The following LAMA2 variants were observed in gnomAD, a reference collection of about 807,000 sequenced individuals.
The protein encoded by LAMA2 is laminin subunit alpha-2.
LAMA2 carries 269 observed loss-of-function variants against 364.8 expected under a neutral mutation model. The observed-to-expected ratio is 0.74, with a 90% CI of 0.67 to 0.82. The LOEUF is 0.82. Ranked by LOEUF, LAMA2 falls within the 40% of genes least tolerant of loss-of-function variation. LAMA2 has a pLI of 0.00. For missense variants in LAMA2, 3,807 were observed against 3,873.2 expected (o/e 0.98, Z 0.45); for synonymous variants, 1,379 against 1,370.6 (o/e 1.01, Z -0.14).
intron 32 of LAMA2, among the ~76,000 whole-genome samples, chr6:129,360,506 C>T (rs1006611038): frequency 6.6e-6 from 1 of 152,098 alleles, no homozygotes; most frequent in Non-Finnish European, 1.5e-5. Flanking sequence ...GAAAAAATCC[C>T]CATGGCTGTC....
At chr6:129,477,144 C>A (rs1051003193) in intron 53 of LAMA2, among the ~76,000 whole-genome samples, 22 of 152,156 alleles carry the variant, frequency 1.4e-4, no homozygotes, top group Non-Finnish European at 1.0e-4. Flanking sequence ...CTTCTATATA[C>A]CTTCACTATT....
chr6:129,101,977 C>T (rs1478027789), intron 4 of LAMA2, among the ~76,000 whole-genome samples: 1 of 152,030 alleles, frequency 6.6e-6, no homozygotes, highest in Non-Finnish European at 1.5e-5. Flanking sequence ...TCTGTATCTT[C>T]ATTCTAGGTA....
chr6:129,442,333 A>G, intron 43 of LAMA2: 10 of 648,678 alleles, frequency 1.5e-5, no homozygotes, highest in Non-Finnish European at 2.0e-5. Context: ...AGGGTGAAAA[A>G]GGGGAGATAA....
chr6:129,440,795 C>G, intron 42 of LAMA2, 21 bp from the exon 43 acceptor site: 1 of 1,612,038 alleles, frequency 6.2e-7, no homozygotes, highest in East Asian at 2.2e-5. Context: ...TTTTGTTTTT[C>G]ATACCCTCAT....
At chr6:129,346,543 G>A (rs899298560) in intron 30 of LAMA2, among the ~76,000 whole-genome samples, 1 of 151,852 alleles carries the variant, frequency 6.6e-6, no homozygotes, top group African/African-American at 2.4e-5. Context: ...AAAGATATGT[G>A]TCCTGTCCTG....
intron 58 of LAMA2, among the ~76,000 whole-genome samples, chr6:129,500,862 T>C (rs1480276488): frequency 6.6e-6 from 1 of 152,326 alleles, no homozygotes. Context: ...GAAGTTATAT[T>C]GACATTTACA....
intron 17 of LAMA2, 77 bp downstream of exon 17, chr6:129,270,828 TC>T (rs1771442450): frequency 1.4e-6 from 2 of 1,390,936 alleles, no homozygotes; most frequent in African/African-American, 2.8e-5. Flanking sequence ...AATATACACT[TC>T]CTTTTATCCC....
At chr6:128,917,118 T>C (rs1010749731) in intron 1 of LAMA2, among the ~76,000 whole-genome samples, 1 of 151,908 alleles carries the variant, frequency 6.6e-6, no homozygotes, top group Admixed American at 6.6e-5. Flanking sequence ...CCATGGTATC[T>C]CATCATCTCT....
chr6:129,491,922 T>A lies in LAMA2; in HGVS notation c.7920T>A (p.Asp2640Glu). Reference protein sequence around the residue: ...RTRGIFTVQVDENRRYMQNLT... With the variant: ...RTRGIFTVQVEENRRYMQNLT... ...TCAGCATCTTTACAGTTCAAGTGGA[T>A]GAAAACAGAAGATACATGCAAAACC... Residue 2640 changes from aspartate (D) to glutamate (E), a missense_variant, in exon 57 of 65, where the codon GAT becomes GAA. By Grantham distance (45) the Asp-to-Glu change is conservative (BLOSUM62 2). This residue lies in a region of LAMA2 where 3,333 missense variants were observed against 3,345.7 expected (regional missense o/e 1.00). Coordinates refer to ENST00000421865, the MANE Select transcript of LAMA2 (RefSeq NM_000426.4). 4 of 1,613,288 alleles carry A rather than the reference T, an allele frequency of 2.5e-6. No homozygotes were observed. Among genetic ancestry groups the A allele is most frequent in the Non-Finnish European group, 3.4e-6 (4 of 1,179,224 alleles).
chr6:129,199,174 C>T (rs1239392668), intron 12 of LAMA2, among the ~76,000 whole-genome samples: 2 of 152,130 alleles, frequency 1.3e-5, no homozygotes, highest in African/African-American at 4.8e-5. Context: ...TGGATTTTAT[C>T]ATCCGTGTTT....
At chr6:129,435,582 G>A (rs1364916388) in intron 41 of LAMA2, among the ~76,000 whole-genome samples, 6 of 152,222 alleles carry the variant, frequency 3.9e-5, no homozygotes, top group East Asian at 3.9e-4. Context: ...TTTTAGAGCC[G>A]TGCTTTGCTG....
At chr6:129,238,391 TA>T (rs1259040296) in intron 12 of LAMA2, among the ~76,000 whole-genome samples, 1 of 152,216 alleles carries the variant, frequency 6.6e-6, no homozygotes, top group African/African-American at 2.4e-5. Context: ...TCAAAGTAGG[TA>T]TTTTCATGCC....
chr6:129,298,828 T>C (rs977214260), intron 21 of LAMA2, among the ~76,000 whole-genome samples: 14 of 151,074 alleles, frequency 9.3e-5, no homozygotes, highest in South Asian at 8.3e-4. Flanking sequence ...TTCTAATTGA[T>C]AAGTTATTCT....
chr6:128,962,003 G>A (rs1395328052), intron 1 of LAMA2, among the ~76,000 whole-genome samples: 1 of 150,216 alleles, frequency 6.7e-6, no homozygotes, highest in Admixed American at 6.6e-5. Flanking sequence ...TTCTTGCTGT[G>A]GTTTGCTCCT....
intron 15 of LAMA2, among the ~76,000 whole-genome samples, chr6:129,266,733 T>TA (rs1199869280): frequency 6.6e-6 from 1 of 152,144 alleles, no homozygotes; most frequent in African/African-American, 2.4e-5. Flanking sequence ...GCTAAGACTA[T>TA]ATGATGAGTC....
intron 4 of LAMA2, among the ~76,000 whole-genome samples, chr6:129,114,077 A>G (rs368356753): frequency 1.1e-3 from 163 of 152,146 alleles, no homozygotes; most frequent in Non-Finnish European, 2.0e-3. Context: ...TTTGTTTTAA[A>G]TAATAAAGAA....
intron 1 of LAMA2, among the ~76,000 whole-genome samples, chr6:128,905,900 T>C (rs550981272): frequency 7.9e-5 from 12 of 152,266 alleles, no homozygotes; most frequent in South Asian, 2.1e-4. Context: ...TTTTTTATTC[T>C]TGTGATAGTT....
At chr6:129,437,432 A>ACTTGTCCAT (rs1781888883) in intron 41 of LAMA2, among the ~76,000 whole-genome samples, 1 of 151,768 alleles carries the variant, frequency 6.6e-6, no homozygotes, top group East Asian at 1.9e-4. Context: ...CTTACTAAAT[A>ACTTGTCCAT]CTTGTCCATC....
intron 18 of LAMA2, among the ~76,000 whole-genome samples, chr6:129,281,825 A>G (rs1373595524): frequency 2.6e-5 from 4 of 152,296 alleles, no homozygotes; most frequent in South Asian, 4.1e-4. Flanking sequence ...CACAGTTGAT[A>G]CCATATTTTT....
Sources: gnomAD v4.1 joint callset for allele counts (sites outside exome capture counted in the v4.1 genomes callset) on GRCh38, gnomAD v4.1.1 for gene constraint, gnomAD v4.1.1 regional missense constraint, MANE v1.5 for transcripts, NCBI Gene and HGNC (gene_info 2026-07-23, HGNC 2026-07-21) for gene names.